Variants in ADAMTS12 observed in about 807,000 individuals in gnomAD.
The protein encoded by ADAMTS12 is A disintegrin and metalloproteinase with thrombospondin motifs 12.
In ADAMTS12, 118 loss-of-function variants were observed where a neutral mutation model predicts 167.8. That is an observed-to-expected ratio of 0.70 (90% CI 0.61 to 0.82). The LOEUF (loss-of-function observed/expected upper bound fraction) is 0.82, where lower values mean the gene tolerates loss of function less well. ADAMTS12 is among the 40% of genes least tolerant of loss of function. The probability of loss-of-function intolerance (pLI) is 0.00; values close to 1 mark genes in which losing one functional copy is unlikely to be tolerated. For synonymous variants in ADAMTS12, 704 were observed against 716.9 expected (o/e 0.98, Z 0.29); for missense variants, 1,916 against 1,998.8 (o/e 0.96, Z 0.79).
intron 2 of ADAMTS12, among the ~76,000 whole-genome samples, chr5:33,856,532 G>A (rs1749407393): frequency 6.6e-6 from 1 of 151,976 alleles, no homozygotes; most frequent in Admixed American, 6.6e-5. Flanking sequence ...TGAGGTAGGA[G>A]GATCACTTGA....
intron 3 of ADAMTS12, among the ~76,000 whole-genome samples, chr5:33,694,141 A>G (rs570081067): frequency 1.1e-4 from 17 of 152,342 alleles, no homozygotes; most frequent in Non-Finnish European, 2.1e-4. Context: ...AATACTGCTC[A>G]AAGAAATCAA....
chr5:33,837,299 T>C (rs1320058996), intron 2 of ADAMTS12, among the ~76,000 whole-genome samples: 1 of 152,220 alleles, frequency 6.6e-6, no homozygotes, highest in Non-Finnish European at 1.5e-5. Flanking sequence ...CATAATACTT[T>C]GGAGACAGAA....
At chr5:33,619,453 T>C (rs942622508) in intron 14 of ADAMTS12, among the ~76,000 whole-genome samples, 4 of 152,152 alleles carry the variant, frequency 2.6e-5, no homozygotes, top group Admixed American at 2.6e-4. Context: ...TTTAGGCAGA[T>C]TTTTTTCTCT....
chr5:33,852,404 G>A (rs190604359), intron 2 of ADAMTS12, among the ~76,000 whole-genome samples: 1 of 152,232 alleles, frequency 6.6e-6, no homozygotes, highest in Admixed American at 6.5e-5. Context: ...CATTTCTTAC[G>A]GCCAAAGCAG....
At chr5:33,815,759 C>T (rs1341203289) in intron 2 of ADAMTS12, among the ~76,000 whole-genome samples, 2 of 152,152 alleles carry the variant, frequency 1.3e-5, no homozygotes, top group South Asian at 2.1e-4. Context: ...TTACCCAGAT[C>T]GCAAAGGTAT....
intron 1 of ADAMTS12, among the ~76,000 whole-genome samples, chr5:33,887,074 C>A (rs16891876): frequency 0.021 from 3,215 of 152,108 alleles, 109 homozygotes; most frequent in African/African-American, 0.074. Context: ...TCTCCGCAAG[C>A]TAAGATTAGT....
chr5:33,702,579 G>T (rs559286091), intron 3 of ADAMTS12, among the ~76,000 whole-genome samples: 1 of 152,228 alleles, frequency 6.6e-6, no homozygotes, highest in Non-Finnish European at 1.5e-5. Flanking sequence ...AAATGAACTG[G>T]CTCACCCAGT....
chr5:33,687,361 T>A (rs549393272), intron 3 of ADAMTS12, among the ~76,000 whole-genome samples: 1 of 152,326 alleles, frequency 6.6e-6, no homozygotes, highest in African/African-American at 2.4e-5. Flanking sequence ...ATCTTATAGA[T>A]GAAGGACCCG....
At chr5:33,633,474 C>T (rs1338007785) in intron 12 of ADAMTS12, among the ~76,000 whole-genome samples, 2 of 151,678 alleles carry the variant, frequency 1.3e-5, no homozygotes, top group Non-Finnish European at 2.9e-5. Context: ...TGACAGCATA[C>T]AGGTCCTCTG....
intron 7 of ADAMTS12, among the ~76,000 whole-genome samples, chr5:33,655,929 T>G (rs993645429): frequency 6.6e-6 from 1 of 152,132 alleles, no homozygotes; most frequent in Non-Finnish European, 1.5e-5. Flanking sequence ...GTTCCTGTGT[T>G]AGTTTGCTGA....
Position 33,570,761 on chromosome 5 carries a change from G to A in ADAMTS12, c.3972+5293C>T, listed in dbSNP as rs1266320282. ...ACACATAACAATATTAACTTTAAAT[G>A]TAAATGGACTAAATGCTCCAATTAA... On this transcript the variant is annotated intron_variant, in intron 19 of 23. Coordinates refer to ENST00000504830, the MANE Select transcript of ADAMTS12 (RefSeq NM_030955.4). Among the ~76,000 whole-genome samples the A allele has an allele frequency of 1.7e-4, 25 of 150,324 alleles. No individual in the cohort carries two copies. In the South Asian group the frequency reaches 4.2e-3, roughly 25 times the overall value.
At chr5:33,869,722 G>C (rs1293975063) in intron 2 of ADAMTS12, among the ~76,000 whole-genome samples, 2 of 152,092 alleles carry the variant, frequency 1.3e-5, no homozygotes, top group African/African-American at 2.4e-5. Context: ...ACAAGGTCAG[G>C]GCAAAACTAG....
intron 1 of ADAMTS12, among the ~76,000 whole-genome samples, chr5:33,882,752 C>T (rs1481019532): frequency 3.9e-5 from 6 of 152,014 alleles, no homozygotes; most frequent in African/African-American, 9.7e-5. Context: ...CCACCATGCC[C>T]GGCTAATTTT....
At chr5:33,570,741 T>C (rs1746289255) in intron 19 of ADAMTS12, among the ~76,000 whole-genome samples, 2 of 150,008 alleles carry the variant, frequency 1.3e-5, no homozygotes, top group Admixed American at 1.3e-4. Flanking sequence ...AATTCACACA[T>C]AACAATATTA....
chr5:33,857,879 T>C lies in ADAMTS12; in HGVS notation c.489+23240A>G, dbSNP rs188821482. On this transcript the variant is annotated intron_variant, in intron 2 of 23. Transcript: ENST00000504830. ...ATATGTGAAGAAAATCTGATAGAAC[T>C]GAAAGGATGAATAGACAAATTCACA... is the stretch of plus-strand genomic sequence containing the variant. Among the ~76,000 whole-genome samples the C allele has an allele frequency of 1.5e-3, 227 of 152,296 alleles. 8 individuals are homozygous for C. The highest frequency in any genetic ancestry group is 0.015 in the Admixed American group (223 of 15,296).
intron 3 of ADAMTS12, among the ~76,000 whole-genome samples, chr5:33,733,590 G>C (rs1365312384): frequency 6.6e-6 from 1 of 152,166 alleles, no homozygotes; most frequent in East Asian, 1.9e-4. Flanking sequence ...TGAATGGATT[G>C]GTCTTGGCCA....
intron 3 of ADAMTS12, among the ~76,000 whole-genome samples, chr5:33,712,530 C>T (rs530743912): frequency 1.8e-4 from 27 of 152,160 alleles, no homozygotes; most frequent in African/African-American, 6.3e-4. Flanking sequence ...AACACTAAGC[C>T]ACAGAGATTC....
At position 33,641,936 on chromosome 5, in the gene ADAMTS12, C is replaced by T. The variant is rs376138367; in HGVS notation, c.1592G>A (p.Cys531Tyr). The change falls in exon 11 of 24, where the codon TGC (cysteine) becomes TAC (tyrosine). Residue 531 changes from cysteine (C) to tyrosine (Y), a missense_variant. Transcript: ENST00000504830. Reference sequence around the variant, plus strand: ...CTCTGGTTTCTTCCCCACTGTGATGCACTTGCCTGCCATACACCACTGGAA... The same window carrying T: ...CTCTGGTTTCTTCCCCACTGTGATGTACTTGCCTGCCATACACCACTGGAA... Reference protein sequence around the residue: ...GEKKWCMAGKCITVGKKPESI... With the variant: ...GEKKWCMAGKYITVGKKPESI... 6.2e-7 allele frequency: 1 copy of T among 1,612,898 alleles called. No homozygotes were observed. The highest frequency in any genetic ancestry group is 1.3e-5 in the African/African-American group (1 of 74,900).
chr5:33,572,447 C>T (rs1267120691), intron 19 of ADAMTS12, among the ~76,000 whole-genome samples: 68 of 151,548 alleles, frequency 4.5e-4, no homozygotes, highest in East Asian at 1.6e-3. Flanking sequence ...GTTCAATATA[C>T]GCAAATCAAT....
Sources: allele counts gnomAD v4.1 joint callset (sites outside exome capture counted in the v4.1 genomes callset), GRCh38; gene constraint gnomAD v4.1.1; transcripts MANE v1.5; gene names NCBI Gene and HGNC (gene_info 2026-07-23, HGNC 2026-07-21).